The following CACNA2D1 variants were observed in gnomAD, a reference collection of about 807,000 sequenced individuals.
The protein encoded by CACNA2D1 is voltage-dependent calcium channel subunit alpha-2/delta-1.
A neutral mutation model predicts 171.5 loss-of-function variants in CACNA2D1; 53 were observed. That is an observed-to-expected ratio of 0.31 (90% CI 0.25 to 0.39). The LOEUF (loss-of-function observed/expected upper bound fraction) is 0.39. CACNA2D1 is among the 10% of genes least tolerant of loss of function. The probability of loss-of-function intolerance (pLI) is 1.00; values close to 1 mark genes in which losing one functional copy is unlikely to be tolerated. For missense variants in CACNA2D1, 903 were observed against 1,299.8 expected (o/e 0.69, Z 4.69); for synonymous variants, 442 against 443.1 (o/e 1.00, Z 0.03).
At chr7:82,041,949 CAG>C (rs1162287488) in intron 10 of CACNA2D1, among the ~76,000 whole-genome samples, 22 of 151,942 alleles carry the variant, frequency 1.4e-4, no homozygotes, top group Non-Finnish European at 2.8e-4. Flanking sequence ...ATGTATTGCT[CAG>C]AGTCTTTCAG....
chr7:82,244,828 A>T (rs1321184029), intron 3 of CACNA2D1, among the ~76,000 whole-genome samples: 1 of 152,102 alleles, frequency 6.6e-6, no homozygotes, highest in African/African-American at 2.4e-5. Context: ...GTATCATCAC[A>T]TCCTTCATGT....
intron 3 of CACNA2D1, among the ~76,000 whole-genome samples, chr7:82,248,919 C>A (rs1209157543): frequency 6.6e-6 from 1 of 151,818 alleles, no homozygotes; most frequent in Non-Finnish European, 1.5e-5. Flanking sequence ...AGATCGAGAC[C>A]ATCCTGGCTA....
chr7:82,370,552 T>TGGAG (rs1822279914), intron 1 of CACNA2D1, among the ~76,000 whole-genome samples: 1 of 120,568 alleles, frequency 8.3e-6, no homozygotes, highest in Admixed American at 9.0e-5. Flanking sequence ...AATGGAGGGA[T>TGGAG]GGATGGATGG....
At chr7:82,122,712 C>A (rs901197452) in intron 5 of CACNA2D1, among the ~76,000 whole-genome samples, 1 of 152,102 alleles carries the variant, frequency 6.6e-6, no homozygotes, top group East Asian at 1.9e-4. Context: ...GTAAAAGGCA[C>A]TATGTGATTT....
At chr7:82,440,966 G>GC (rs1396501421) in intron 1 of CACNA2D1, among the ~76,000 whole-genome samples, 1 of 148,890 alleles carries the variant, frequency 6.7e-6, no homozygotes, top group Non-Finnish European at 1.5e-5. Flanking sequence ...AATGAAACTG[G>GC]CAAAAAAAAA....
chr7:82,050,689 T>C (rs1388640937), intron 10 of CACNA2D1: 7 of 698,710 alleles, frequency 1.0e-5, no homozygotes, highest in Admixed American at 2.0e-5. Flanking sequence ...ATGTGAAAGA[T>C]TCATAAAGAA....
At position 82,141,526 on chromosome 7, in the gene CACNA2D1, C is replaced by T. The variant is rs188470800; in HGVS notation, c.355-4850G>A. ...GAGATTTTGGGGTTTCAACAACAAT[C>T]GGGGGAGCCACACCACTCATTCAAC... On this transcript the variant is annotated intron_variant, in intron 4 of 38. Coordinates refer to ENST00000356860, the MANE Select transcript of CACNA2D1 (RefSeq NM_000722.4). Among the ~76,000 whole-genome samples, 168 of 152,168 alleles carry T rather than the reference C, an allele frequency of 1.1e-3. 1 individual carries two copies. Among genetic ancestry groups the T allele is most frequent in the Non-Finnish European group, 3.5e-4 (24 of 67,994 alleles).
At chr7:82,220,456 C>A (rs1585135194) in intron 3 of CACNA2D1, among the ~76,000 whole-genome samples, 1 of 152,106 alleles carries the variant, frequency 6.6e-6, no homozygotes, top group African/African-American at 2.4e-5. Context: ...GGTCTCATGA[C>A]TCTTTTACAT....
intron 1 of CACNA2D1, among the ~76,000 whole-genome samples, chr7:82,402,166 C>T (rs1452040410): frequency 1.3e-5 from 2 of 152,146 alleles, no homozygotes; most frequent in African/African-American, 4.8e-5. Context: ...AGATGACATT[C>T]ACAAGGAGGC....
chr7:82,067,186 A>G (rs1189465086), intron 7 of CACNA2D1, among the ~76,000 whole-genome samples: 1 of 152,204 alleles, frequency 6.6e-6, no homozygotes, highest in African/African-American at 2.4e-5. Flanking sequence ...ATTTAAATCT[A>G]TTCTAATTAA....
At position 81,950,252 on chromosome 7, in the gene CACNA2D1, G is replaced by A. The variant is rs986162670; in HGVS notation, c.*140C>T. The A allele has an allele frequency of 8.1e-5, 122 of 1,503,938 alleles. No individual in the cohort carries two copies. Among genetic ancestry groups the A allele is most frequent in the South Asian group, 3.5e-5 (3 of 84,874 alleles). The allele number at this position is 1,503,938 out of a possible 1,614,324, so 93.2% of individuals were successfully genotyped here. Reference sequence around the variant, plus strand: ...GCCAGTGGGTGCCTTAGGAGTCTGCGCCTTAGTGTTATGCCATGGAACAGG... The same window carrying A: ...GCCAGTGGGTGCCTTAGGAGTCTGCACCTTAGTGTTATGCCATGGAACAGG... On this transcript the variant is annotated 3_prime_UTR_variant, in exon 39 of 39. Coordinates refer to ENST00000356860, the MANE Select transcript of CACNA2D1 (RefSeq NM_000722.4).
Position 81,964,081 on chromosome 7 carries a change from CA to C in CACNA2D1, c.2754del (p.Ile918MetfsTer18), listed in dbSNP as rs780864784. 6.2e-7 allele frequency: 1 copy of C among 1,612,086 alleles called. No homozygotes were observed. Among genetic ancestry groups the C allele is most frequent in the Non-Finnish European group, 8.5e-7 (1 of 1,178,886 alleles). ...YVPSVADILQ[I>X]GWWATAAAWS... is the part of the protein sequence containing the mutation. The stretch of plus-strand genomic sequence containing the variant: ...CAGGCAGCAGCAGTGGCCCACCAGC[CA>C]ATTTGTAATATGTCTGCTACTGATG... On this transcript the variant is annotated frameshift_variant, in exon 34 of 39. Transcript: ENST00000356860. LOFTEE classifies it high-confidence loss of function.
At chr7:82,121,811 A>G (rs1463924428) in intron 5 of CACNA2D1, among the ~76,000 whole-genome samples, 1 of 152,170 alleles carries the variant, frequency 6.6e-6, no homozygotes, top group Non-Finnish European at 1.5e-5. Context: ...AGAACAAATT[A>G]TTTTATGGAT....
In CACNA2D1 at chr7:82,081,657, A is replaced by G. The variant is rs190840636; in HGVS notation, c.658+3112T>C. Among the ~76,000 whole-genome samples, 85 of 152,266 alleles carry G rather than the reference A, an allele frequency of 5.6e-4. No individual in the cohort carries two copies. The East Asian group carries it at 0.013, about 24-fold the overall frequency. ...GTTGCTTCCACAGCTAATGTTTTGG[A>G]AAGACTAGTGCAGGACTTTTCTTGG... On this transcript the variant is annotated intron_variant, in intron 7 of 38. Coordinates refer to ENST00000356860, the MANE Select transcript of CACNA2D1 (RefSeq NM_000722.4).
At chr7:81,996,304 T>C (rs37103) in intron 19 of CACNA2D1, among the ~76,000 whole-genome samples, 5,977 of 152,204 alleles carry the variant, frequency 0.039, 365 homozygotes, top group African/African-American at 0.13. Context: ...TTACAACAAA[T>C]ACTATTAATC....
chr7:82,185,478 AGG>A (rs1274353357), intron 3 of CACNA2D1, among the ~76,000 whole-genome samples: 1 of 20,028 alleles, frequency 5.0e-5, no homozygotes, highest in Non-Finnish European at 1.3e-4. Flanking sequence ...AGAGGGGGGG[AGG>A]GGGAGGAGGA....
At position 82,395,146 on chromosome 7, in the gene CACNA2D1, T is replaced by C. The variant is rs538945256; in HGVS notation, c.96-45497A>G. On this transcript the variant is annotated intron_variant, in intron 1 of 38. Transcript: ENST00000356860. ...GATCTTTTCAAAAAAATGTATCAAA[T>C]GCCTGTTATATGTTGAGTACTATTC... 2.6e-4 allele frequency among the ~76,000 whole-genome samples: 39 copies of C among 152,182 alleles called. No individual in the cohort carries two copies. The South Asian group carries it at 2.9e-3, about 11-fold the overall frequency.
At chr7:82,095,598 C>T (rs1175036382) in intron 6 of CACNA2D1, among the ~76,000 whole-genome samples, 1 of 152,160 alleles carries the variant, frequency 6.6e-6, no homozygotes, top group Non-Finnish European at 1.5e-5. Flanking sequence ...ATATGCTATA[C>T]TTAACGTATA....
At chr7:82,060,209 A>G (rs1316824692) in intron 10 of CACNA2D1, among the ~76,000 whole-genome samples, 1 of 32,550 alleles carries the variant, frequency 3.1e-5, no homozygotes, top group Non-Finnish European at 5.2e-5. Context: ...TATTATATAT[A>G]TAATATATAT....
Sources: gnomAD v4.1 joint callset for allele counts (sites outside exome capture counted in the v4.1 genomes callset) on GRCh38, gnomAD v4.1.1 for gene constraint, MANE v1.5 for transcripts, NCBI Gene and HGNC (gene_info 2026-07-23, HGNC 2026-07-21) for gene names.